Variants in QRSL1 observed in about 807,000 individuals in gnomAD.
QRSL1 encodes the protein glutamyl-tRNA(Gln) amidotransferase subunit A, mitochondrial.
Under a neutral mutation model 61.6 loss-of-function variants are expected in QRSL1, and 54 were observed. The observed-to-expected ratio is 0.88, with a 90% CI of 0.70 to 1.10. The LOEUF (loss-of-function observed/expected upper bound fraction) is 1.10, where lower values mean the gene tolerates loss of function less well. QRSL1 is among the 50% of genes least tolerant of loss of function. QRSL1 has a pLI of 0.00. For missense variants in QRSL1, 505 were observed against 622.6 expected, an observed-to-expected ratio of 0.81 and a Z score of 2.01; for synonymous variants, 228 against 225.7, an observed-to-expected ratio of 1.01 and a Z score of -0.09.
chr6:106,665,742 T>G, intron 10 of QRSL1, 40 bp from the exon 11 acceptor site: 3 of 1,544,704 alleles, frequency 1.9e-6, no homozygotes, highest in Non-Finnish European at 1.8e-6. Context: ...CTAATTAGGG[T>G]GGAGAATTAA....
At chr6:106,639,145 T>TTGACAGAGTC (rs1562165181) in intron 1 of QRSL1, among the ~76,000 whole-genome samples, 1 of 147,990 alleles carries the variant, frequency 6.8e-6, no homozygotes, top group Admixed American at 6.7e-5. Context: ...TTTTTTTTTT[T>TTGACAGAGTC]TGACAGAGTC....
intron 4 of QRSL1, among the ~76,000 whole-genome samples, chr6:106,648,114 G>C (rs998060277): frequency 2.0e-5 from 3 of 151,566 alleles, no homozygotes; most frequent in Admixed American, 6.6e-5. Context: ...TGGCCAACGT[G>C]GTGAAACCCC....
chr6:106,630,004 C>G (rs1776784190), intron 1 of QRSL1, among the ~76,000 whole-genome samples: 2 of 152,088 alleles, frequency 1.3e-5, no homozygotes, highest in African/African-American at 4.8e-5. Context: ...GTGGGCTTTG[C>G]CAAAGGGGGC....
intron 9 of QRSL1, among the ~76,000 whole-genome samples, chr6:106,658,703 A>G (rs1227352124): frequency 6.6e-6 from 1 of 151,868 alleles, no homozygotes; most frequent in Non-Finnish European, 1.5e-5. Context: ...CTCTGATTTT[A>G]AGATTTTCTT....
rs543450948 is a variant in QRSL1, at chr6:106,635,443, C to T, written c.25-4906C>T. On this transcript the variant is annotated intron_variant, in intron 1 of 10. Transcript: ENST00000369046. The stretch of plus-strand genomic sequence containing the variant: ...GTGGAGCTTGCTGGTGATCTTGATA[C>T]GCAGTTTCAAGAAGCAAGAAGGCAA... 4.6e-5 allele frequency among the ~76,000 whole-genome samples: 7 copies of T among 152,186 alleles called. No individual in the cohort carries two copies. In the East Asian group the frequency reaches 9.6e-4, roughly 21 times the overall value.
At chr6:106,647,893 G>T (rs550779428) in intron 4 of QRSL1, among the ~76,000 whole-genome samples, 2 of 150,526 alleles carry the variant, frequency 1.3e-5, no homozygotes, top group African/African-American at 2.4e-5. Flanking sequence ...CTCGTGTTCC[G>T]CCCTCCTCGG....
chr6:106,665,698 A>T, intron 10 of QRSL1, 84 bp from the exon 11 acceptor site: 1 of 1,132,672 alleles, frequency 8.8e-7, no homozygotes, highest in Non-Finnish European at 1.3e-6. Context: ...CCTGTATTGT[A>T]CTTATTAGCA....
intron 9 of QRSL1, among the ~76,000 whole-genome samples, chr6:106,661,278 TA>T (rs1384724777): frequency 6.6e-6 from 1 of 152,026 alleles, no homozygotes; most frequent in Non-Finnish European, 1.5e-5. Context: ...CATGCCCGGC[TA>T]AATTTTTTTG....
In QRSL1 at chr6:106,637,375, G is replaced by A. The variant is rs150268739; in HGVS notation, c.25-2974G>A. Reference sequence around the variant, plus strand: ...TGAAAAATCAGATGTTGGTGTACATGGACTTGAAATATGATGTGAACAAGG... The same window carrying A: ...TGAAAAATCAGATGTTGGTGTACATAGACTTGAAATATGATGTGAACAAGG... On this transcript the variant is annotated intron_variant, in intron 1 of 10. Transcript: ENST00000369046. Among the ~76,000 whole-genome samples, 182 of 152,302 alleles carry A rather than the reference G, an allele frequency of 1.2e-3. 2 individuals are homozygous for A. Among genetic ancestry groups the A allele is most frequent in the African/African-American group, 4.2e-3 (175 of 41,552 alleles).
chr6:106,642,605 A>G lies in QRSL1; in HGVS notation c.284-389A>G. 9.2e-6 allele frequency: 7 copies of G among 757,940 alleles called. No individual in the cohort carries two copies. In the South Asian group the frequency reaches 9.5e-5, roughly 10 times the overall value. The allele number at this position is 757,940 out of a possible 1,614,324, so 47.0% of individuals were successfully genotyped here. A position where few individuals can be genotyped will look rare whatever the true frequency, so the allele number is the denominator to read the frequency against. ...GGGAATGGGTATTGTTCAAAAAGGA[A>G]TGCCCCACAAGTGTTACCATGGCAA... On this transcript the variant is annotated intron_variant, in intron 3 of 10. Coordinates refer to ENST00000369046, the MANE Select transcript of QRSL1 (RefSeq NM_018292.5).
intron 1 of QRSL1, among the ~76,000 whole-genome samples, chr6:106,630,280 A>C (rs73761710): frequency 0.058 from 8,797 of 152,208 alleles, 292 homozygotes; most frequent in South Asian, 0.099. Context: ...AAGCACCCTC[A>C]AATTCACTTT....
At position 106,654,797 on chromosome 6, in the gene QRSL1, A is replaced by T. The variant is rs773914034; in HGVS notation, c.917A>T (p.Glu306Val). The T allele has an allele frequency of 1.1e-5, 17 of 1,613,790 alleles. No homozygotes were observed. The highest frequency in any genetic ancestry group is 1.4e-5 in the Non-Finnish European group (17 of 1,179,796). ...TGGTCCAAAGCTGCTGACCTCTTTGAGTCTGAGGGGGCCAAAGTAATTGAA... is the reference window on the plus strand; with the variant it reads ...TGGTCCAAAGCTGCTGACCTCTTTGTGTCTGAGGGGGCCAAAGTAATTGAA... ...SLWSKAADLF[E>V]SEGAKVIEVS... Residue 306 changes from glutamate to valine, a missense_variant, in exon 8 of 11, where the codon GAG becomes GTG. By Grantham distance (121) the Glu-to-Val change is moderately radical. Transcript: ENST00000369046.
chr6:106,643,509 G>A (rs555105559), intron 4 of QRSL1, among the ~76,000 whole-genome samples: 34 of 152,024 alleles, frequency 2.2e-4, no homozygotes, highest in African/African-American at 6.5e-4. Context: ...GAGAAACCCC[G>A]TCTCTACTAA....
Position 106,649,845 on chromosome 6 carries a change from GAAAGT to G in QRSL1, c.557+648_557+652del, listed in dbSNP as rs375691330. Among the ~76,000 whole-genome samples, 281 of 152,224 alleles carry G rather than the reference GAAAGT, an allele frequency of 1.8e-3. 1 individual carries two copies. Among genetic ancestry groups the G allele is most frequent in the African/African-American group, 6.5e-3 (271 of 41,560 alleles). On this transcript the variant is annotated intron_variant, in intron 5 of 10. Coordinates refer to ENST00000369046, the MANE Select transcript of QRSL1 (RefSeq NM_018292.5). ...GCATTTCTTAACTACCCAAAGAAAAGAAAGTAAATATGGCTGTTGCTGTGTTTATC... is the reference window on the plus strand; with the variant it reads ...GCATTTCTTAACTACCCAAAGAAAAGAAATATGGCTGTTGCTGTGTTTATC...
chr6:106,629,705 A>T lies in QRSL1; in HGVS notation c.24A>T (p.Glu8Asp), dbSNP rs1449033248. 6.2e-7 allele frequency: 1 copy of T among 1,606,102 alleles called. No homozygotes were observed. Among genetic ancestry groups the T allele is most frequent in the African/African-American group, 1.3e-5 (1 of 74,742 alleles). Residue 8 changes from glutamate (E) to aspartate (D), a missense_variant and splice_region_variant, in exon 1 of 11, where the codon GAA becomes GAT. Glu to Asp is a conservative substitution (Grantham distance 45). Coordinates refer to ENST00000369046, the MANE Select transcript of QRSL1 (RefSeq NM_018292.5). Reference sequence around the variant, plus strand: ...CCATGCTGGGCCGGAGCCTCCGAGAAGTGAGTGGAATTGGCCCGCTGAGGC... The same window carrying T: ...CCATGCTGGGCCGGAGCCTCCGAGATGTGAGTGGAATTGGCCCGCTGAGGC... The part of the protein sequence containing the change: MLGRSLR[E>D]VSAALKQGQI...
chr6:106,658,431 G>A (rs1777305272), intron 9 of QRSL1, among the ~76,000 whole-genome samples: 1 of 152,190 alleles, frequency 6.6e-6, no homozygotes, highest in South Asian at 2.1e-4. Context: ...GTACACTCCT[G>A]TAGTTACAGC....
chr6:106,633,350 T>C (rs1245407819), intron 1 of QRSL1, among the ~76,000 whole-genome samples: 1 of 152,242 alleles, frequency 6.6e-6, no homozygotes, highest in Non-Finnish European at 1.5e-5. Flanking sequence ...TTTAAATATG[T>C]ACAGATGCCT....
chr6:106,666,066 C>A lies in QRSL1; in HGVS notation c.*64C>A, dbSNP rs1777428952. The A allele has an allele frequency of 7.1e-7, 1 of 1,402,816 alleles. No homozygotes were observed. The highest frequency in any genetic ancestry group is 1.8e-5 in the Admixed American group (1 of 56,082). The allele number at this position is 1,402,816 out of a possible 1,614,324, so 86.9% of individuals were successfully genotyped here. ...CAGTGGCTCACACCTGTAATCCCAG[C>A]ACTTTGGGAGGCCAAGGCGAGCGGA... On this transcript the variant is annotated 3_prime_UTR_variant, in exon 11 of 11. Coordinates refer to ENST00000369046, the MANE Select transcript of QRSL1 (RefSeq NM_018292.5).
At chr6:106,633,835 T>A (rs1776875788) in intron 1 of QRSL1, among the ~76,000 whole-genome samples, 1 of 152,138 alleles carries the variant, frequency 6.6e-6, no homozygotes, top group Non-Finnish European at 1.5e-5. Flanking sequence ...TCAACTAACA[T>A]TTAGTGAGTA....
Sources: allele counts gnomAD v4.1 joint callset (sites outside exome capture counted in the v4.1 genomes callset), GRCh38; gene constraint gnomAD v4.1.1; transcripts MANE v1.5; gene names NCBI Gene and HGNC (gene_info 2026-07-23, HGNC 2026-07-21).